The following SRGAP1 variants were observed in gnomAD, a reference collection of about 807,000 sequenced individuals.
SRGAP1 encodes SLIT-ROBO Rho GTPase-activating protein 1.
A neutral mutation model predicts 121.9 loss-of-function variants in SRGAP1; 43 were observed. That is an observed-to-expected ratio of 0.35 (90% CI 0.28 to 0.46). SRGAP1 has a LOEUF of 0.46. Ranked by LOEUF, SRGAP1 falls within the 20% of genes least tolerant of loss-of-function variation. SRGAP1 has a pLI of 1.00. For synonymous variants in SRGAP1, 447 were observed against 485.4 expected (o/e 0.92, Z 1.04); for missense variants, 1,102 against 1,350.9 (o/e 0.82, Z 2.89).
chr12:63,912,955 C>A (rs2030569971), intron 1 of SRGAP1, among the ~76,000 whole-genome samples: 1 of 152,010 alleles, frequency 6.6e-6, no homozygotes, highest in African/African-American at 2.4e-5. Flanking sequence ...TTTAAATACC[C>A]AGTAGAGGAG....
chr12:63,946,651 C>A (rs2032058940), intron 1 of SRGAP1, among the ~76,000 whole-genome samples: 1 of 151,038 alleles, frequency 6.6e-6, no homozygotes, highest in Non-Finnish European at 1.5e-5. Context: ...TCAAGCAATT[C>A]TTCTGCCTCA....
intron 4 of SRGAP1, among the ~76,000 whole-genome samples, chr12:64,026,463 A>G (rs921271542): frequency 6.6e-6 from 1 of 152,000 alleles, no homozygotes; most frequent in Non-Finnish European, 1.5e-5. Context: ...AGATGATCCA[A>G]TTCAACATAT....
At chr12:64,102,653 G>C (rs1415450522) in intron 15 of SRGAP1, among the ~76,000 whole-genome samples, 1 of 152,134 alleles carries the variant, frequency 6.6e-6, no homozygotes, top group East Asian at 1.9e-4. Flanking sequence ...CGTTTCATAT[G>C]AATAGAATTA....
chr12:64,059,692 C>T (rs1240211953), intron 6 of SRGAP1, among the ~76,000 whole-genome samples: 2 of 152,064 alleles, frequency 1.3e-5, no homozygotes, highest in African/African-American at 4.8e-5. Context: ...TTTTCAGGCC[C>T]TCTGATATGT....
Position 64,065,166 on chromosome 12 carries a change from A to C in SRGAP1, c.1072A>C (p.Arg358=), listed in dbSNP as rs773538958. The part of the protein sequence containing the change: ...QQPVQAELML[R]YQQLQSRLAT... The stretch of plus-strand genomic sequence containing the variant: ...GCCAGTCCAGGCAGAGCTCATGCTC[A>C]GGTACCAACAGTTGCAGTCCCGCCT... Residue 358 remains arginine, a synonymous_variant, in exon 8 of 22, where the codon AGG becomes CGG. Transcript: ENST00000355086. The C allele has an allele frequency of 1.2e-6, 2 of 1,613,580 alleles. No homozygotes were observed. The highest frequency in any genetic ancestry group is 2.2e-5 in the East Asian group (1 of 44,784).
At chr12:63,855,479 T>G (rs927888577) in intron 1 of SRGAP1, among the ~76,000 whole-genome samples, 1 of 100,658 alleles carries the variant, frequency 9.9e-6, no homozygotes, top group Non-Finnish European at 2.1e-5. Context: ...TGGTGTTTTT[T>G]TTTTTTTTTT....
chr12:63,980,600 T>C lies in SRGAP1; in HGVS notation c.68-3347T>C, dbSNP rs557957665. Among the ~76,000 whole-genome samples the C allele has an allele frequency of 4.6e-5, 7 of 151,380 alleles. No homozygotes were observed. The East Asian group carries it at 1.2e-3, about 25-fold the overall frequency. ...TCTCTTCCTAACGAGATGTTTCTTTTTTTTTTTTTTTGAGATGGAGTCTCG... is the reference window on the plus strand; with the variant it reads ...TCTCTTCCTAACGAGATGTTTCTTTCTTTTTTTTTTTGAGATGGAGTCTCG... On this transcript the variant is annotated intron_variant, in intron 1 of 21. Transcript: ENST00000355086.
intron 1 of SRGAP1, among the ~76,000 whole-genome samples, chr12:63,892,819 G>C (rs1900630304): frequency 6.6e-6 from 1 of 152,100 alleles, no homozygotes; most frequent in Admixed American, 6.6e-5. Context: ...GTGCGAAATG[G>C]CTGCCTATGG....
At chr12:63,875,392 A>T (rs1899997625) in intron 1 of SRGAP1, among the ~76,000 whole-genome samples, 1 of 152,182 alleles carries the variant, frequency 6.6e-6, no homozygotes, top group Non-Finnish European at 1.5e-5. Context: ...CAAGCTGTAA[A>T]AATATTAGCT....
intron 1 of SRGAP1, among the ~76,000 whole-genome samples, chr12:63,965,336 T>C (rs1401664369): frequency 2.6e-5 from 4 of 152,162 alleles, no homozygotes; most frequent in Non-Finnish European, 5.9e-5. Flanking sequence ...TGAAAAGATA[T>C]ACAACAGGCA....
chr12:64,116,509 G>GTA (rs2036525810), intron 18 of SRGAP1, among the ~76,000 whole-genome samples: 1 of 151,914 alleles, frequency 6.6e-6, no homozygotes. Flanking sequence ...GGATCATACT[G>GTA]TATATATTTT....
intron 4 of SRGAP1, among the ~76,000 whole-genome samples, chr12:64,021,058 G>GT (rs2034538079): frequency 6.6e-6 from 1 of 151,846 alleles, no homozygotes; most frequent in Admixed American, 6.6e-5. Flanking sequence ...AAACCCCATT[G>GT]TAAGGTTTGT....
intron 21 of SRGAP1, among the ~76,000 whole-genome samples, chr12:64,130,192 G>A (rs756172321): frequency 2.6e-5 from 4 of 152,060 alleles, no homozygotes; most frequent in Admixed American, 1.3e-4. Flanking sequence ...TGGAGTAGTC[G>A]ACTGATTTCA....
intron 8 of SRGAP1, among the ~76,000 whole-genome samples, chr12:64,068,578 G>A (rs976285192): frequency 5.3e-5 from 8 of 151,684 alleles, no homozygotes; most frequent in East Asian, 4.0e-4. Flanking sequence ...CAAGCGATCC[G>A]CCTGCCTTGG....
At chr12:64,039,628 C>CGT (rs6144742) in intron 4 of SRGAP1, among the ~76,000 whole-genome samples, 1,408 of 130,862 alleles carry the variant, frequency 0.011, 67 homozygotes, top group East Asian at 0.03. Context: ...AGCTGAGCAA[C>CGT]GTGTGTGTGT....
chr12:63,916,269 C>T (rs565676736), intron 1 of SRGAP1, among the ~76,000 whole-genome samples: 1 of 152,180 alleles, frequency 6.6e-6, no homozygotes, highest in South Asian at 2.1e-4. Context: ...TAGGGATCTG[C>T]CCACCTTGAC....
At chr12:63,996,070 A>G (rs1471552268) in intron 3 of SRGAP1, among the ~76,000 whole-genome samples, 3 of 151,896 alleles carry the variant, frequency 2.0e-5, no homozygotes, top group East Asian at 1.9e-4. Flanking sequence ...AAAACTACCA[A>G]TCTCTATATG....
At chr12:64,116,030 G>A in intron 18 of SRGAP1, 137 bp downstream of exon 18, 1 of 717,796 alleles carries the variant, frequency 1.4e-6, no homozygotes, top group African/African-American at 1.8e-5. Flanking sequence ...CAAGGTTGGA[G>A]GATCACTTGA....
At position 64,151,661 on chromosome 12, in the gene SRGAP1, C is replaced by G. The variant is rs888686258; in HGVS notation, c.*8989C>G. ...TATAAAACATGGTCATGTTTCTTTA[C>G]CAGTGTACTAGGTGAGTGATAGGCT... is the stretch of plus-strand genomic sequence containing the variant. On this transcript the variant is annotated 3_prime_UTR_variant, in exon 22 of 22. Transcript: ENST00000355086. 1.3e-5 allele frequency: 2 copies of G among 152,134 alleles called. No homozygotes were observed. Among genetic ancestry groups the G allele is most frequent in the Non-Finnish European group, 2.9e-5 (2 of 68,018 alleles). 9.4% of individuals were successfully genotyped at this position (152,134 alleles called of 1,614,324 possible).
Sources: gnomAD v4.1 joint callset for allele counts (sites outside exome capture counted in the v4.1 genomes callset) on GRCh38, gnomAD v4.1.1 for gene constraint, MANE v1.5 for transcripts, NCBI Gene and HGNC (gene_info 2026-07-23, HGNC 2026-07-21) for gene names.